The following CCDC102B variants were observed in gnomAD, a reference collection of about 807,000 sequenced individuals.
CCDC102B encodes the protein coiled-coil domain-containing protein 102B.
Under a neutral mutation model 57.4 loss-of-function variants are expected in CCDC102B, and 75 were observed. The observed-to-expected ratio is 1.31, with a 90% CI of 1.08 to 1.58. The LOEUF is 1.58. Ranked by LOEUF, CCDC102B falls within the 40% of genes most tolerant of loss-of-function variation. The probability of loss-of-function intolerance (pLI) is 0.00; values close to 1 mark genes in which losing one functional copy is unlikely to be tolerated. For missense variants in CCDC102B, 636 were observed against 582.6 expected (o/e 1.09, Z -0.94); for synonymous variants, 206 against 201.9 (o/e 1.02, Z -0.17).
intron 1 of CCDC102B, among the ~76,000 whole-genome samples, chr18:68,808,150 A>G (rs1419364729): frequency 6.6e-6 from 1 of 152,132 alleles, no homozygotes; most frequent in East Asian, 1.9e-4. Flanking sequence ...ATATTGCACA[A>G]CCATTCTATT....
rs879619973 is a variant in CCDC102B, at chr18:68,748,210, G to T, written c.-67+31616G>T. ...ACTTTGTCCATTATTAAACTGGTGTGTGTGTGTGTGTGTGTGTGTGTGTGT... is the reference window on the plus strand; with the variant it reads ...ACTTTGTCCATTATTAAACTGGTGTTTGTGTGTGTGTGTGTGTGTGTGTGT... On this transcript the variant is annotated intron_variant, in intron 2 of 3. Transcript: ENST00000578970. 5.2e-3 allele frequency among the ~76,000 whole-genome samples: 185 copies of T among 35,756 alleles called. 1 individual carries two copies. Among genetic ancestry groups the T allele is most frequent in the East Asian group, 0.015 (52 of 3,478 alleles). The allele number at this position is 35,756 out of a possible 152,430, so 23.5% of individuals were successfully genotyped here. A position where few individuals can be genotyped will look rare whatever the true frequency, so the allele number is the denominator to read the frequency against.
intron 6 of CCDC102B, among the ~76,000 whole-genome samples, chr18:68,986,677 CA>C (rs2050732823): frequency 6.6e-6 from 1 of 151,480 alleles, no homozygotes; most frequent in African/African-American, 2.4e-5. Context: ...AAGATACCAC[CA>C]AAAGTCTCCT....
intron 2 of CCDC102B, among the ~76,000 whole-genome samples, chr18:68,777,287 T>G (rs2034854956): frequency 6.6e-6 from 1 of 152,168 alleles, no homozygotes; most frequent in Non-Finnish European, 1.5e-5. Flanking sequence ...TGACTTTTAG[T>G]CTCAAGTTAT....
At chr18:68,855,069 A>G (rs1447031406) in intron 4 of CCDC102B, among the ~76,000 whole-genome samples, 1 of 152,192 alleles carries the variant, frequency 6.6e-6, no homozygotes, top group Non-Finnish European at 1.5e-5. Flanking sequence ...GTATTAACAC[A>G]TTTTAAGACA....
intron 7 of CCDC102B, among the ~76,000 whole-genome samples, chr18:69,017,404 G>A (rs373407671): frequency 8.7e-4 from 132 of 152,206 alleles, no homozygotes; most frequent in African/African-American, 3.1e-3. Flanking sequence ...GGGATTACAG[G>A]CGTGAACCAT....
intron 7 of CCDC102B, among the ~76,000 whole-genome samples, chr18:69,013,390 A>G (rs1004900894): frequency 6.6e-6 from 1 of 152,184 alleles, no homozygotes; most frequent in Non-Finnish European, 1.5e-5. Flanking sequence ...GGGTGGAAGG[A>G]GGGTAAATGA....
At chr18:68,957,272 C>G (rs182374606) in intron 6 of CCDC102B, among the ~76,000 whole-genome samples, 1 of 151,906 alleles carries the variant, frequency 6.6e-6, no homozygotes, top group Non-Finnish European at 1.5e-5. Flanking sequence ...CTTATATTTA[C>G]GTCTTTAATG....
chr18:69,034,528 T>A (rs1006592357), intron 7 of CCDC102B, among the ~76,000 whole-genome samples: 1 of 151,938 alleles, frequency 6.6e-6, no homozygotes, highest in South Asian at 2.1e-4. Context: ...AATGTCAGAT[T>A]TTCTTTTTGA....
chr18:68,810,517 C>T (rs1041885176), intron 1 of CCDC102B, among the ~76,000 whole-genome samples: 1 of 152,002 alleles, frequency 6.6e-6, no homozygotes, highest in African/African-American at 2.4e-5. Context: ...AATAATATCT[C>T]TATTATTAGC....
At chr18:68,741,706 CACACA>C (rs749648476) in intron 2 of CCDC102B, among the ~76,000 whole-genome samples, 18 of 117,726 alleles carry the variant, frequency 1.5e-4, no homozygotes, top group Admixed American at 2.5e-4. Context: ...CACACACACA[CACACA>C]CACCCCAAGA....
chr18:68,955,094 A>G (rs1253449649), intron 6 of CCDC102B, among the ~76,000 whole-genome samples: 1 of 152,180 alleles, frequency 6.6e-6, no homozygotes, highest in Non-Finnish European at 1.5e-5. Context: ...TGATGGCTAC[A>G]ACGCTAAACA....
intron 1 of CCDC102B, among the ~76,000 whole-genome samples, chr18:68,798,786 A>C (rs2035728421): frequency 6.6e-6 from 1 of 152,158 alleles, no homozygotes; most frequent in Non-Finnish European, 1.5e-5. Context: ...TGCATAATAA[A>C]AAGTAATGCT....
At chr18:68,861,171 G>T (rs1296044407) in intron 4 of CCDC102B, among the ~76,000 whole-genome samples, 1 of 151,882 alleles carries the variant, frequency 6.6e-6, no homozygotes, top group Non-Finnish European at 1.5e-5. Flanking sequence ...GTAAAGGGAA[G>T]TCAGGGGCTA....
intron 6 of CCDC102B, among the ~76,000 whole-genome samples, chr18:68,965,489 T>C (rs949716272): frequency 3.3e-5 from 5 of 151,806 alleles, no homozygotes; most frequent in African/African-American, 1.2e-4. Flanking sequence ...GTGTTTGTAA[T>C]TGCTTGTTGA....
chr18:68,897,695 A>G, intron 6 of CCDC102B: 1 of 1,278,462 alleles, frequency 7.8e-7, no homozygotes, highest in Non-Finnish European at 1.0e-6. Flanking sequence ...AAGAAATAGA[A>G]CTTTCTGGTT....
intron 5 of CCDC102B, among the ~76,000 whole-genome samples, chr18:68,892,313 C>G (rs976130587): frequency 2.6e-5 from 4 of 152,150 alleles, no homozygotes; most frequent in African/African-American, 9.7e-5. Flanking sequence ...AGCTTGTGTT[C>G]TGGCTCTCCA....
At chr18:68,920,699 G>T (rs753237987) in intron 6 of CCDC102B, among the ~76,000 whole-genome samples, 1 of 152,134 alleles carries the variant, frequency 6.6e-6, no homozygotes, top group Admixed American at 6.5e-5. Context: ...GAAGGCAAAG[G>T]AGAAGCAGGC....
rs1165523165 is a variant in CCDC102B, at chr18:68,767,967, A to T, written c.-67+51373A>T. ...ATATAGTTTAAGAATAAAATATAAA[A>T]ATGATAGTAGTTGAAACATTTATTT... On this transcript the variant is annotated intron_variant, in intron 2 of 3. Transcript: ENST00000578970. 4.2e-3 allele frequency among the ~76,000 whole-genome samples: 638 copies of T among 152,270 alleles called. 8 individuals are homozygous for T. Among genetic ancestry groups the T allele is most frequent in the African/African-American group, 0.015 (607 of 41,574 alleles).
chr18:68,949,214 C>T (rs2049626321), intron 6 of CCDC102B, among the ~76,000 whole-genome samples: 1 of 152,130 alleles, frequency 6.6e-6, no homozygotes, highest in East Asian at 1.9e-4. Flanking sequence ...GTAACACCTT[C>T]ACAGACACAC....
Sources: gnomAD v4.1 joint callset for allele counts (sites outside exome capture counted in the v4.1 genomes callset) on GRCh38, gnomAD v4.1.1 for gene constraint, MANE v1.5 for transcripts, NCBI Gene and HGNC (gene_info 2026-07-23, HGNC 2026-07-21) for gene names.